FSTL5: variants seen among roughly 807,000 people sequenced by gnomAD.
The protein encoded by FSTL5 is follistatin like 5.
Under a neutral mutation model 89.1 loss-of-function variants are expected in FSTL5, and 62 were observed. The ratio of observed to expected loss-of-function variants is 0.70; its 90% CI spans 0.57 to 0.86. FSTL5 has a LOEUF of 0.86. Ranked by LOEUF, FSTL5 falls within the 40% of genes least tolerant of loss-of-function variation. FSTL5 has a pLI of 0.00. For missense variants in FSTL5, 1,057 were observed against 1,001.6 expected (o/e 1.06, Z -0.75); for synonymous variants, 383 against 346.2 (o/e 1.11, Z -1.18).
At chr4:161,801,032 T>C (rs1225097091) in intron 4 of FSTL5, among the ~76,000 whole-genome samples, 1 of 151,542 alleles carries the variant, frequency 6.6e-6, no homozygotes, top group Non-Finnish European at 1.5e-5. Context: ...AGTGAATATG[T>C]TTCACTAAGC....
intron 3 of FSTL5, among the ~76,000 whole-genome samples, chr4:161,923,644 T>G (rs1734051021): frequency 6.6e-6 from 1 of 151,786 alleles, no homozygotes. Flanking sequence ...AGTCTGATCA[T>G]TTTACATTTT....
chr4:161,759,867 T>A (rs775407747), intron 5 of FSTL5, among the ~76,000 whole-genome samples: 1 of 152,054 alleles, frequency 6.6e-6, no homozygotes, highest in Non-Finnish European at 1.5e-5. Context: ...AAGGAAATAC[T>A]TCTGCATGAA....
Position 161,770,153 on chromosome 4 carries a change from C to A in FSTL5, c.606+5725G>T, listed in dbSNP as rs1209763932. Among the ~76,000 whole-genome samples, 5 of 151,868 alleles carry A rather than the reference C, an allele frequency of 3.3e-5. No individual in the cohort carries two copies. The East Asian group carries it at 9.6e-4, about 29-fold the overall frequency. On this transcript the variant is annotated intron_variant, in intron 5 of 15. Transcript: ENST00000306100. ...ATATATTCTTACTTATTTGTGGGAGCTACAAATGGAAACAATTGAACTTAC... is the reference window on the plus strand; with the variant it reads ...ATATATTCTTACTTATTTGTGGGAGATACAAATGGAAACAATTGAACTTAC...
intron 11 of FSTL5, among the ~76,000 whole-genome samples, chr4:161,506,940 G>T (rs1419826322): frequency 2.0e-5 from 3 of 152,088 alleles, no homozygotes; most frequent in Non-Finnish European, 4.4e-5. Context: ...AATTTAGAAA[G>T]AATAAAAAAG....
chr4:161,488,810 C>G (rs1371321249), intron 12 of FSTL5, among the ~76,000 whole-genome samples: 3 of 151,682 alleles, frequency 2.0e-5, no homozygotes, highest in African/African-American at 4.8e-5. Context: ...TAAATTCTAC[C>G]AAATGTTTTG....
intron 3 of FSTL5, among the ~76,000 whole-genome samples, chr4:162,004,052 G>A (rs1002542428): frequency 2.6e-5 from 4 of 151,912 alleles, no homozygotes; most frequent in Admixed American, 6.6e-5. Context: ...TTCATAATAC[G>A]GCAGGTTAAG....
At chr4:161,447,578 C>T (rs1732989829) in intron 15 of FSTL5, among the ~76,000 whole-genome samples, 1 of 152,046 alleles carries the variant, frequency 6.6e-6, no homozygotes. Flanking sequence ...CTGAATAGCA[C>T]TCTGTTTTTT....
intron 10 of FSTL5, among the ~76,000 whole-genome samples, chr4:161,528,848 C>A (rs1404501746): frequency 7.0e-6 from 1 of 142,922 alleles, no homozygotes; most frequent in African/African-American, 2.5e-5. Context: ...ACAAGAAATA[C>A]AACGTTAGTA....
chr4:161,502,958 C>T (rs1393955101), intron 11 of FSTL5, among the ~76,000 whole-genome samples: 1 of 151,464 alleles, frequency 6.6e-6, no homozygotes, highest in Non-Finnish European at 1.5e-5. Flanking sequence ...TTACTAACTA[C>T]TAAATTTATA....
intron 1 of FSTL5, among the ~76,000 whole-genome samples, chr4:162,135,910 C>A (rs1732503167): frequency 6.6e-6 from 1 of 152,016 alleles, no homozygotes; most frequent in African/African-American, 2.4e-5. Context: ...GTTCTCTATA[C>A]ACATTTTATG....
chr4:162,003,952 A>T (rs143785439), intron 3 of FSTL5, among the ~76,000 whole-genome samples: 24 of 152,282 alleles, frequency 1.6e-4, no homozygotes, highest in Non-Finnish European at 3.1e-4. Context: ...TTCCAAAAGC[A>T]TCTGGGTAGC....
At chr4:162,035,638 TA>T (rs1460816558) in intron 2 of FSTL5, among the ~76,000 whole-genome samples, 6 of 152,052 alleles carry the variant, frequency 3.9e-5, no homozygotes, top group Non-Finnish European at 7.4e-5. Flanking sequence ...TACTCTGACA[TA>T]GCTGAGAATA....
rs751706523 is a variant in FSTL5 at position 161,538,293 on chromosome 4, G to A, written c.1185C>T (p.Gly395=). 1.4e-5 allele frequency: 23 copies of A among 1,613,668 alleles called. No homozygotes were observed. The Admixed American group carries it at 3.5e-4, about 25-fold the overall frequency. Reference sequence around the variant, plus strand: ...GCACATTGCTTATGTGAACCTCACTGCCATTTGCTGAAAAAAGAAGGGAAA... The same window carrying A: ...GCACATTGCTTATGTGAACCTCACTACCATTTGCTGAAAAAAGAAGGGAAA... The part of the protein sequence containing the change: ...LSKQLTLQAN[G]SEVHISNVRY... Residue 395 remains glycine, a synonymous_variant, in exon 10 of 16, where the codon GGC becomes GGT. Transcript: ENST00000306100.
intron 3 of FSTL5, among the ~76,000 whole-genome samples, chr4:161,930,731 C>T (rs1222198968): frequency 6.6e-6 from 1 of 151,864 alleles, no homozygotes; most frequent in African/African-American, 2.4e-5. Flanking sequence ...CTCTCTACCT[C>T]TCTGCTCCAA....
chr4:161,472,125 G>T (rs569594285), intron 13 of FSTL5, among the ~76,000 whole-genome samples: 2 of 151,816 alleles, frequency 1.3e-5, no homozygotes, highest in African/African-American at 4.8e-5. Context: ...TACAGGTGCT[G>T]GCCACCACGC....
At chr4:161,926,652 AACAGAGTGTGATG>A (rs1457725466) in intron 3 of FSTL5, among the ~76,000 whole-genome samples, 1 of 151,738 alleles carries the variant, frequency 6.6e-6, no homozygotes, top group African/African-American at 2.4e-5. Flanking sequence ...CTGAAAGCAG[AACAGAGTGTGATG>A]CAATCTCAAC....
At chr4:162,009,785 G>A (rs1432165868) in intron 3 of FSTL5, among the ~76,000 whole-genome samples, 2 of 151,754 alleles carry the variant, frequency 1.3e-5, no homozygotes, top group African/African-American at 4.8e-5. Context: ...TTGGTATTTT[G>A]TGTTTCTTCC....
chr4:162,131,579 T>C (rs776762546), intron 1 of FSTL5, among the ~76,000 whole-genome samples: 23 of 152,140 alleles, frequency 1.5e-4, no homozygotes, highest in African/African-American at 2.7e-4. Context: ...ACAGAGATTA[T>C]AGTAATCAAA....
intron 3 of FSTL5, among the ~76,000 whole-genome samples, chr4:161,973,721 G>C (rs1299966559): frequency 6.6e-6 from 1 of 152,180 alleles, no homozygotes; most frequent in Non-Finnish European, 1.5e-5. Flanking sequence ...TTGATGACAA[G>C]AGAGTGGAAA....
Sources: gnomAD v4.1 joint callset for allele counts (sites outside exome capture counted in the v4.1 genomes callset) on GRCh38, gnomAD v4.1.1 for gene constraint, MANE v1.5 for transcripts, NCBI Gene and HGNC (gene_info 2026-07-23, HGNC 2026-07-21) for gene names.